BRINP3: variants seen among roughly 807,000 people sequenced by gnomAD.
BRINP3 encodes BMP/retinoic acid inducible neural specific 3.
BRINP3 carries 19 observed loss-of-function variants against 71.0 expected under a neutral mutation model. That is an observed-to-expected ratio of 0.27 (90% confidence interval 0.19 to 0.39). The LOEUF is 0.39. Ranked by LOEUF, BRINP3 falls within the 10% of genes least tolerant of loss-of-function variation. The pLI is 1.00. For synonymous variants in BRINP3, 380 were observed against 337.7 expected (o/e 1.13, Z -1.37); for missense variants, 959 against 940.8 (o/e 1.02, Z -0.25).
At chr1:190,469,226 C>A (rs1289248174) in intron 1 of BRINP3, among the ~76,000 whole-genome samples, 1 of 150,932 alleles carries the variant, frequency 6.6e-6, no homozygotes, top group African/African-American at 2.4e-5. Flanking sequence ...ATATAGTCTT[C>A]TTCCTCATTA....
chr1:190,240,214 A>G (rs965575657), intron 4 of BRINP3, among the ~76,000 whole-genome samples: 5 of 152,074 alleles, frequency 3.3e-5, no homozygotes, highest in African/African-American at 1.2e-4. Context: ...CTAAATAGCA[A>G]TAAAAAGGAT....
chr1:190,132,207 T>A (rs1196570162), intron 7 of BRINP3, among the ~76,000 whole-genome samples: 1 of 152,078 alleles, frequency 6.6e-6, no homozygotes, highest in Non-Finnish European at 1.5e-5. Flanking sequence ...GCCTATAGCC[T>A]CCTATAGATG....
At chr1:190,133,950 T>TAAAAC (rs1557996051) in intron 7 of BRINP3, among the ~76,000 whole-genome samples, 2 of 151,952 alleles carry the variant, frequency 1.3e-5, no homozygotes, top group African/African-American at 2.4e-5. Context: ...TAAAACAAAA[T>TAAAAC]ATAAAAGCAA....
chr1:190,099,670 T>C (rs1348656229), intron 7 of BRINP3, among the ~76,000 whole-genome samples: 1 of 152,178 alleles, frequency 6.6e-6, no homozygotes, highest in Non-Finnish European at 1.5e-5. Context: ...CTCTAAATTG[T>C]CAATCAGTGT....
intron 7 of BRINP3, among the ~76,000 whole-genome samples, chr1:190,106,266 A>G (rs925965928): frequency 6.6e-6 from 1 of 151,648 alleles, no homozygotes; most frequent in East Asian, 1.9e-4. Context: ...ATACATACAC[A>G]TATATATAAT....
chr1:190,305,954 T>A (rs1359131469), intron 2 of BRINP3, among the ~76,000 whole-genome samples: 1 of 151,908 alleles, frequency 6.6e-6, no homozygotes, highest in African/African-American at 2.4e-5. Flanking sequence ...AAAAATATTT[T>A]ATACTATATG....
rs917424539 is a variant in BRINP3 at position 190,373,432 on chromosome 1, A to G, written c.236+81223T>C. Among the ~76,000 whole-genome samples the G allele has an allele frequency of 1.1e-3, 148 of 130,412 alleles. 2 individuals are homozygous for G. Among genetic ancestry groups the G allele is most frequent in the Non-Finnish European group, 2.1e-3 (125 of 58,872 alleles). The allele number at this position is 130,412 out of a possible 152,430, so 85.6% of individuals were successfully genotyped here. A position where few individuals can be genotyped will look rare whatever the true frequency, so the allele number is the denominator to read the frequency against. ...TAGATAATTCCTTAATTATATATAT[A>G]TATGTGTGTGTGTGTGTGTGTGTGT... On this transcript the variant is annotated intron_variant, in intron 2 of 7. Transcript: ENST00000367462.
At chr1:190,310,203 G>T (rs374087378) in intron 2 of BRINP3, among the ~76,000 whole-genome samples, 2 of 151,262 alleles carry the variant, frequency 1.3e-5, no homozygotes, top group African/African-American at 4.8e-5. Context: ...TAAGGAAGAG[G>T]ATTATGTATT....
At chr1:190,140,807 A>G (rs1439465049) in intron 7 of BRINP3, among the ~76,000 whole-genome samples, 7 of 152,176 alleles carry the variant, frequency 4.6e-5, no homozygotes, top group Non-Finnish European at 1.0e-4. Flanking sequence ...CTTTACCCAC[A>G]TAGTGTAAAG....
At chr1:190,391,105 G>T (rs1452761198) in intron 2 of BRINP3, among the ~76,000 whole-genome samples, 1 of 151,760 alleles carries the variant, frequency 6.6e-6, no homozygotes, top group Non-Finnish European at 1.5e-5. Flanking sequence ...TGGAGCAGAA[G>T]GAGTTTCCTG....
chr1:190,275,859 T>C (rs945794584), intron 3 of BRINP3, among the ~76,000 whole-genome samples: 1 of 151,574 alleles, frequency 6.6e-6, no homozygotes, highest in Non-Finnish European at 1.5e-5. Flanking sequence ...AAAATTGCTT[T>C]AGTAGATAAC....
intron 6 of BRINP3, among the ~76,000 whole-genome samples, chr1:190,175,113 A>G (rs575135498): frequency 1.3e-4 from 20 of 152,260 alleles, no homozygotes; most frequent in African/African-American, 4.8e-4. Context: ...TAATAAAATC[A>G]TGGCAATATT....
chr1:190,376,757 CTTCT>C (rs1670210569), intron 2 of BRINP3, among the ~76,000 whole-genome samples: 1 of 151,924 alleles, frequency 6.6e-6, no homozygotes, highest in Middle Eastern at 3.2e-3. Context: ...TAATCAAATC[CTTCT>C]AAGTTCTGCC....
intron 4 of BRINP3, among the ~76,000 whole-genome samples, chr1:190,239,187 ATT>A (rs991585356): frequency 6.6e-6 from 1 of 152,132 alleles, no homozygotes; most frequent in Non-Finnish European, 1.5e-5. Flanking sequence ...TGGGGATTAC[ATT>A]TTGAGATGAG....
chr1:190,193,831 A>G lies in BRINP3; in HGVS notation c.961+32251T>C, dbSNP rs528271394. Among the ~76,000 whole-genome samples, 13 of 152,204 alleles carry G rather than the reference A, an allele frequency of 8.5e-5. No individual in the cohort carries two copies. The South Asian group carries it at 2.5e-3, about 29-fold the overall frequency. Reference sequence around the variant, plus strand: ...AAGGGCCAGGGAGCCATCTCTTTAAAATGTAATCGTAAAAAATATAGGGCT... The same window carrying G: ...AAGGGCCAGGGAGCCATCTCTTTAAGATGTAATCGTAAAAAATATAGGGCT... On this transcript the variant is annotated intron_variant, in intron 6 of 7. Coordinates refer to ENST00000367462, the MANE Select transcript of BRINP3 (RefSeq NM_199051.3).
intron 7 of BRINP3, among the ~76,000 whole-genome samples, chr1:190,127,138 A>T (rs1053953059): frequency 6.6e-6 from 1 of 151,782 alleles, no homozygotes; most frequent in African/African-American, 2.4e-5. Context: ...CTTTTCTAAT[A>T]AACTGTTATT....
At chr1:190,331,183 G>A (rs1415583773) in intron 2 of BRINP3, among the ~76,000 whole-genome samples, 1 of 151,736 alleles carries the variant, frequency 6.6e-6, no homozygotes, top group Non-Finnish European at 1.5e-5. Flanking sequence ...TGGCATTATG[G>A]CGTTCTCATC....
intron 6 of BRINP3, among the ~76,000 whole-genome samples, chr1:190,216,621 C>A: frequency 6.6e-6 from 1 of 151,830 alleles, no homozygotes; most frequent in South Asian, 2.1e-4. Context: ...CAAAATGAAT[C>A]AAATATAATC....
intron 5 of BRINP3, among the ~76,000 whole-genome samples, chr1:190,228,787 T>A (rs540004340): frequency 1.1e-5 from 1 of 93,972 alleles, no homozygotes; most frequent in East Asian, 3.5e-4. Context: ...GGCCACGGAA[T>A]TTTCTTTTTT....
Sources: gnomAD v4.1 joint callset for allele counts (sites outside exome capture counted in the v4.1 genomes callset) on GRCh38, gnomAD v4.1.1 for gene constraint, MANE v1.5 for transcripts, NCBI Gene and HGNC (gene_info 2026-07-23, HGNC 2026-07-21) for gene names.